Variants in JMY observed in about 807,000 individuals in gnomAD.
The protein encoded by JMY is junction-mediating and -regulatory protein.
JMY carries 46 observed loss-of-function variants against 103.3 expected under a neutral mutation model. The ratio of observed to expected loss-of-function variants is 0.45; its 90% confidence interval spans 0.35 to 0.57. JMY has a LOEUF of 0.57. Ranked by LOEUF, JMY falls within the 20% of genes least tolerant of loss-of-function variation. The pLI, the probability that JMY is intolerant of heterozygous loss-of-function variation, is 0.00. For missense variants in JMY, 1,238 were observed against 1,255.2 expected (o/e 0.99, Z 0.21); for synonymous variants, 526 against 489.3 (o/e 1.07, Z -0.99).
In JMY at chr5:79,236,974, G is replaced by A; in HGVS notation, c.324G>A (p.Ser108=). 1 of 1,454,716 alleles carries A rather than the reference G, an allele frequency of 6.9e-7. No homozygotes were observed. The allele number at this position is 1,454,716 out of a possible 1,614,324, so 90.1% of individuals were successfully genotyped here. Residue 108 remains serine (S), a synonymous_variant, in exon 1 of 11, where the codon TCG becomes TCA. Coordinates refer to ENST00000396137, the MANE Select transcript of JMY (RefSeq NM_152405.5). The part of the protein sequence containing the change: ...LVRSPGPRRS[S]AWAEGGSPRS... ...GGAGCCCCGGGCCCCGGCGGAGCTC[G>A]GCCTGGGCGGAGGGCGGCTCTCCTC...
chr5:79,325,037 CTCTT>C lies in JMY; in HGVS notation c.*3436_*3439del. The C allele has an allele frequency of 6.5e-6, 1 of 152,774 alleles. No homozygotes were observed. Among genetic ancestry groups the C allele is most frequent in the East Asian group, 1.9e-4 (1 of 5,190 alleles). 9.5% of individuals were successfully genotyped at this position (152,774 alleles called of 1,614,324 possible). ...CCATAGTAGACACTAAGAATTAAAA[CTCTT>C]AAATCAGTGAAACAAAAACTAATGG... On this transcript the variant is annotated 3_prime_UTR_variant, in exon 11 of 11. Transcript: ENST00000396137.
At chr5:79,244,155 C>A (rs917137999) in intron 1 of JMY, among the ~76,000 whole-genome samples, 2 of 152,162 alleles carry the variant, frequency 1.3e-5, no homozygotes, top group East Asian at 3.9e-4. Flanking sequence ...CATGTGCCAC[C>A]ACACCCAGCT....
At chr5:79,318,802 AGG>A (rs79585605) in intron 10 of JMY, among the ~76,000 whole-genome samples, 2,441 of 20,972 alleles carry the variant, frequency 0.12, 26 homozygotes, top group African/African-American at 0.32. Context: ...AGAGAGAGAG[AGG>A]GATGCATATC....
chr5:79,286,383 G>C (rs1459098665), intron 2 of JMY, among the ~76,000 whole-genome samples: 1 of 152,162 alleles, frequency 6.6e-6, no homozygotes, highest in Non-Finnish European at 1.5e-5. Flanking sequence ...GCTCACACCT[G>C]TAATCCCAGC....
intron 7 of JMY, among the ~76,000 whole-genome samples, chr5:79,308,297 C>A (rs963194679): frequency 6.6e-6 from 1 of 152,158 alleles, no homozygotes; most frequent in Non-Finnish European, 1.5e-5. Context: ...TGCCAGTCCC[C>A]AAATCAGCTA....
rs34067120 is a variant in JMY, at chr5:79,316,194, G to A, written c.2854G>A (p.Asp952Asn). 3,707 of 1,614,054 alleles carry A rather than the reference G, an allele frequency of 2.3e-3. 4 individuals are homozygous for A. The highest frequency in any genetic ancestry group is 2.8e-3 in the Non-Finnish European group (3,341 of 1,179,924). Reference protein sequence around the residue: ...VLRESFTLLPDTDPLTRSIHE... With the variant: ...VLRESFTLLPNTDPLTRSIHE... ...GAGAGAATCCTTCACACTTCTACCC[G>A]ATACAGACCCTCTAACACGGAGCAT... Residue 952 changes from aspartate (D) to asparagine (N), a missense_variant, in exon 10 of 11, where the codon GAT becomes AAT. By Grantham distance (23) the Asp-to-Asn change is conservative. Transcript: ENST00000396137.
Position 79,316,184 on chromosome 5 carries a change from A to G in JMY, c.2844A>G (p.Thr948=), listed in dbSNP as rs765384182. 3.1e-6 allele frequency: 5 copies of G among 1,614,054 alleles called. No individual in the cohort carries two copies. Among genetic ancestry groups the G allele is most frequent in the African/African-American group, 1.3e-5 (1 of 74,944 alleles). The change falls in exon 10 of 11, where the codon ACA becomes ACG. Residue 948 remains threonine, a synonymous_variant. Transcript: ENST00000396137. The stretch of plus-strand genomic sequence containing the variant: ...AGGATGTTTTGAGAGAATCCTTCAC[A>G]CTTCTACCCGATACAGACCCTCTAA... ...VQKDVLRESF[T]LLPDTDPLTR... is the part of the protein sequence containing the mutation.
chr5:79,264,994 T>C (rs1745541131), intron 1 of JMY, among the ~76,000 whole-genome samples: 1 of 152,184 alleles, frequency 6.6e-6, no homozygotes, highest in African/African-American at 2.4e-5. Flanking sequence ...CGATCTTGGC[T>C]TACTATAAGC....
chr5:79,287,889 C>G (rs1438711041), intron 2 of JMY, among the ~76,000 whole-genome samples: 2 of 152,156 alleles, frequency 1.3e-5, no homozygotes, highest in African/African-American at 4.8e-5. Context: ...TTGAGAAGAA[C>G]TTCTATTATA....
intron 1 of JMY, among the ~76,000 whole-genome samples, chr5:79,269,874 T>C (rs943151391): frequency 6.6e-6 from 1 of 152,024 alleles, no homozygotes; most frequent in Non-Finnish European, 1.5e-5. Flanking sequence ...ACTGCAGGCA[T>C]GTGCTACCGT....
Position 79,314,814 on chromosome 5 carries a change from G to C in JMY, c.2622G>C (p.Lys874Asn). 8 of 1,593,942 alleles carry C rather than the reference G, an allele frequency of 5.0e-6. No individual in the cohort carries two copies. Among genetic ancestry groups the C allele is most frequent in the Non-Finnish European group, 6.8e-6 (8 of 1,171,182 alleles). ...GCCAGCTGGTCAGTGCACGGAAGAA[G>C]CTCAGAAAGACTGCTGAAGGTTTGC... ...DSSQLVSARK[K>N]LRKTAEGLQR... The change falls in exon 9 of 11, where the codon AAG (lysine) becomes AAC (asparagine). Residue 874 changes from lysine (K) to asparagine (N), a missense_variant. Physicochemically the swap from Lys to Asn is moderately conservative, Grantham distance 94 (BLOSUM62 0). Coordinates refer to ENST00000396137, the MANE Select transcript of JMY (RefSeq NM_152405.5).
chr5:79,259,774 A>C (rs559258843), intron 1 of JMY, among the ~76,000 whole-genome samples: 2 of 152,314 alleles, frequency 1.3e-5, no homozygotes, highest in Admixed American at 1.3e-4. Context: ...GATATTGAGG[A>C]AAGTCCAGGC....
At chr5:79,276,885 T>G (rs1233033144) in intron 1 of JMY, among the ~76,000 whole-genome samples, 1 of 151,994 alleles carries the variant, frequency 6.6e-6, no homozygotes, top group Non-Finnish European at 1.5e-5. Context: ...GATTACAGGC[T>G]TCAGCCACCA....
Position 79,324,935 on chromosome 5 carries a change from T to C in JMY, c.*3333T>C, listed in dbSNP as rs1347496407. The C allele has an allele frequency of 6.6e-6, 1 of 152,646 alleles. No homozygotes were observed. The highest frequency in any genetic ancestry group is 1.5e-5 in the Non-Finnish European group (1 of 68,036). The allele number at this position is 152,646 out of a possible 1,614,324, so 9.5% of individuals were successfully genotyped here. A position where few individuals can be genotyped will look rare whatever the true frequency, so the allele number is the denominator to read the frequency against. ...AAATTGTTTCCACAAAGTTGAACTA[T>C]GTAGTAATATTTGGTAACATATGGC... On this transcript the variant is annotated 3_prime_UTR_variant, in exon 11 of 11. Transcript: ENST00000396137.
At chr5:79,312,626 A>G (rs1198214904) in intron 8 of JMY, 128 bp downstream of exon 8, 2 of 438,132 alleles carry the variant, frequency 4.6e-6, no homozygotes, top group East Asian at 3.6e-5. Context: ...TATTATAACC[A>G]TGGAAGTCCT....
At chr5:79,284,518 A>C in intron 2 of JMY, 2 of 1,586,610 alleles carry the variant, frequency 1.3e-6, no homozygotes, top group South Asian at 2.2e-5. Flanking sequence ...AGAACAGACG[A>C]AGCAAGTAAC....
At chr5:79,238,050 CTCT>C (rs1228513283) in intron 1 of JMY, among the ~76,000 whole-genome samples, 1 of 152,174 alleles carries the variant, frequency 6.6e-6, no homozygotes, top group East Asian at 1.9e-4. Context: ...CAGATGTCAA[CTCT>C]TCTTTGTCCT....
intron 1 of JMY, among the ~76,000 whole-genome samples, chr5:79,238,402 C>CA (rs11390364): frequency 0.025 from 3,674 of 148,672 alleles, 140 homozygotes; most frequent in African/African-American, 0.074. Context: ...CTTAAAATAA[C>CA]AAAAAAAAAG....
At chr5:79,302,377 A>G (rs967593183) in intron 6 of JMY, among the ~76,000 whole-genome samples, 4 of 152,178 alleles carry the variant, frequency 2.6e-5, no homozygotes, top group South Asian at 2.1e-4. Flanking sequence ...TGAGCAAGGC[A>G]TAGTCCCTGC....
Sources: gnomAD v4.1 joint callset for allele counts (sites outside exome capture counted in the v4.1 genomes callset) on GRCh38, gnomAD v4.1.1 for gene constraint, MANE v1.5 for transcripts, NCBI Gene and HGNC (gene_info 2026-07-23, HGNC 2026-07-21) for gene names.